The following DPY19L1 variants were observed in gnomAD, a reference collection of about 807,000 sequenced individuals.
DPY19L1 encodes protein C-mannosyl-transferase DPY19L1.
Under a neutral mutation model 96.9 loss-of-function variants are expected in DPY19L1, and 35 were observed. The ratio of observed to expected loss-of-function variants is 0.36; its 90% CI spans 0.28 to 0.48. DPY19L1 has a LOEUF of 0.48. Ranked by LOEUF, DPY19L1 falls within the 20% of genes least tolerant of loss-of-function variation. The pLI is 0.99. For synonymous variants in DPY19L1, 205 were observed against 252.6 expected (o/e 0.81, Z 1.79); for missense variants, 521 against 777.9 (o/e 0.67, Z 3.93).
chr7:35,009,509 C>A (rs1785648370), intron 6 of DPY19L1, among the ~76,000 whole-genome samples: 1 of 152,148 alleles, frequency 6.6e-6, no homozygotes, highest in African/African-American at 2.4e-5. Context: ...AGGTCAGATA[C>A]TAAATATTGT....
chr7:35,010,178 A>T (rs553297018), intron 6 of DPY19L1, among the ~76,000 whole-genome samples: 1 of 152,200 alleles, frequency 6.6e-6, no homozygotes, highest in African/African-American at 2.4e-5. Context: ...TGCAGTGAGC[A>T]GAGATCACAC....
intron 1 of DPY19L1, among the ~76,000 whole-genome samples, chr7:35,032,553 G>A (rs776217229): frequency 4.6e-5 from 7 of 152,098 alleles, no homozygotes; most frequent in Non-Finnish European, 8.8e-5. Context: ...TACCATTAAT[G>A]TGAAAACCAC....
chr7:35,015,321 C>T (rs1785817619), intron 3 of DPY19L1, among the ~76,000 whole-genome samples: 2 of 152,106 alleles, frequency 1.3e-5, no homozygotes, highest in Admixed American at 6.5e-5. Context: ...GGACTATATC[C>T]TAAGGTTAAA....
At chr7:34,980,911 G>A (rs1784925603) in intron 7 of DPY19L1, among the ~76,000 whole-genome samples, 1 of 152,170 alleles carries the variant, frequency 6.6e-6, no homozygotes, top group African/African-American at 2.4e-5. Flanking sequence ...TATGTTGAGA[G>A]AAAGACTTCA....
At chr7:35,006,040 T>C (rs1405177750) in intron 6 of DPY19L1, among the ~76,000 whole-genome samples, 1 of 152,206 alleles carries the variant, frequency 6.6e-6, no homozygotes. Context: ...TATCTCAGTA[T>C]TGTACTCCCT....
At chr7:34,950,421 A>G (rs1784245756) in intron 13 of DPY19L1, among the ~76,000 whole-genome samples, 2 of 152,200 alleles carry the variant, frequency 1.3e-5, no homozygotes, top group African/African-American at 4.8e-5. Context: ...GTTATCAAGG[A>G]TTCTCACTCA....
At chr7:35,002,925 C>A (rs1043670009) in intron 6 of DPY19L1, among the ~76,000 whole-genome samples, 30 of 152,108 alleles carry the variant, frequency 2.0e-4, no homozygotes, top group African/African-American at 5.6e-4. Context: ...CCCGCCACCA[C>A]GCTTGGCTAA....
At chr7:34,991,972 A>G (rs1785177785) in intron 6 of DPY19L1, among the ~76,000 whole-genome samples, 1 of 152,192 alleles carries the variant, frequency 6.6e-6, no homozygotes, top group African/African-American at 2.4e-5. Context: ...GTTTCTTGCT[A>G]TAATAAAAAA....
At chr7:34,936,629 C>G (rs1353700668) in intron 21 of DPY19L1, among the ~76,000 whole-genome samples, 1 of 152,138 alleles carries the variant, frequency 6.6e-6, no homozygotes, top group Non-Finnish European at 1.5e-5. Context: ...ATTTATATAA[C>G]AATGTTAAAG....
intron 1 of DPY19L1, among the ~76,000 whole-genome samples, chr7:35,036,008 A>G (rs996019871): frequency 1.3e-5 from 2 of 151,998 alleles, no homozygotes; most frequent in South Asian, 2.1e-4. Context: ...CAATGGGGGG[A>G]AAAAAAGTAC....
intron 1 of DPY19L1, among the ~76,000 whole-genome samples, chr7:35,023,254 C>T (rs1332263610): frequency 2.6e-5 from 4 of 152,210 alleles, no homozygotes; most frequent in South Asian, 2.1e-4. Flanking sequence ...TCCTAGACGC[C>T]GTCCTGAGGG....
chr7:34,944,929 A>C (rs546157974), intron 16 of DPY19L1, among the ~76,000 whole-genome samples: 1 of 152,350 alleles, frequency 6.6e-6, no homozygotes, highest in East Asian at 1.9e-4. Flanking sequence ...AAATATAAGA[A>C]GTGAAAAGGT....
intron 8 of DPY19L1, 37 bp downstream of exon 8, chr7:34,973,477 T>A: frequency 7.6e-7 from 1 of 1,318,906 alleles, no homozygotes; most frequent in Non-Finnish European, 1.0e-6. Flanking sequence ...GTTAAAATTA[T>A]TTAATGCAAA....
chr7:34,996,025 C>A (rs1056676357), intron 6 of DPY19L1, among the ~76,000 whole-genome samples: 14 of 152,066 alleles, frequency 9.2e-5, no homozygotes, highest in African/African-American at 3.4e-4. Flanking sequence ...TCAGCTTGGT[C>A]CTTTCCAGTC....
intron 12 of DPY19L1, 114 bp downstream of exon 12, chr7:34,955,194 A>G (rs1784351944): frequency 7.6e-7 from 1 of 1,313,964 alleles, no homozygotes; most frequent in Non-Finnish European, 1.1e-6. Flanking sequence ...AAAATACTAT[A>G]AAACTGTTGG....
Position 35,011,379 on chromosome 7 carries a change from A to G in DPY19L1, c.621T>C (p.Cys207=), listed in dbSNP as rs779279933. 2.2e-5 allele frequency: 35 copies of G among 1,613,536 alleles called. No homozygotes were observed. The Admixed American group carries it at 4.8e-4, about 22-fold the overall frequency. ...MDLIGIQTKI[C]WTVTRGEGLS... ...GTCCTTCTCCTCTGGTAACCGTCCA[A>G]CATATCTTGGTTTGAATACCAATCA... The change falls in exon 5 of 22, where the codon TGT becomes TGC. Residue 207 remains cysteine, a synonymous_variant. Coordinates refer to ENST00000638088, the MANE Select transcript of DPY19L1 (RefSeq NM_001366673.1).
At chr7:35,032,012 T>C (rs961104189) in intron 1 of DPY19L1, among the ~76,000 whole-genome samples, 3 of 152,246 alleles carry the variant, frequency 2.0e-5, no homozygotes, top group Admixed American at 6.5e-5. Context: ...CCTGTGTCCC[T>C]GTGCCTCATG....
chr7:34,936,216 A>C (rs1408134837), intron 21 of DPY19L1, among the ~76,000 whole-genome samples: 1 of 152,056 alleles, frequency 6.6e-6, no homozygotes, highest in Non-Finnish European at 1.5e-5. Flanking sequence ...ATACATCCTG[A>C]ATTTGCCTTC....
chr7:34,941,324 A>T (rs1446133855), intron 18 of DPY19L1, among the ~76,000 whole-genome samples: 2 of 152,208 alleles, frequency 1.3e-5, no homozygotes, highest in Non-Finnish European at 2.9e-5. Flanking sequence ...CTTAAACTAA[A>T]TTTTAAAAAG....
Sources: gnomAD v4.1 joint callset for allele counts (sites outside exome capture counted in the v4.1 genomes callset) on GRCh38, gnomAD v4.1.1 for gene constraint, MANE v1.5 for transcripts, NCBI Gene and HGNC (gene_info 2026-07-23, HGNC 2026-07-21) for gene names.